INSYN2B: variants seen among roughly 807,000 people sequenced by gnomAD.
INSYN2B encodes the protein inhibitory synaptic factor family member 2B, also known as protein INSYN2B.
A neutral mutation model predicts 41.2 loss-of-function variants in INSYN2B; 16 were observed. The ratio of observed to expected loss-of-function variants is 0.39; its 90% CI spans 0.26 to 0.59. The LOEUF is 0.59. Ranked by LOEUF, INSYN2B falls within the 20% of genes least tolerant of loss-of-function variation. The pLI, the probability that INSYN2B is intolerant of heterozygous loss-of-function variation, is 0.57. For synonymous variants in INSYN2B, 245 were observed against 244.4 expected (o/e 1.00, Z -0.02); for missense variants, 608 against 646.4 (o/e 0.94, Z 0.64).
rs1440305174 is a variant in INSYN2B, at chr5:169,883,274, A to T, written c.625T>A (p.Tyr209Asn). The change falls in exon 2 of 4, where the codon TAT becomes AAT. Residue 209 changes from tyrosine to asparagine, a missense_variant. By Grantham distance (143) the Tyr-to-Asn change is moderately radical. Transcript: ENST00000377365. ...CTAGCTTCCCAGGAAGGACTGTGAT[A>T]AATATCATCTGGAACCTGAATGGCA... ...TAAIQVPDDI[Y>N]HSPSWEARES... The T allele has an allele frequency of 1.3e-6, 2 of 1,551,624 alleles. No homozygotes were observed. The highest frequency in any genetic ancestry group is 1.7e-6 in the Non-Finnish European group (2 of 1,146,960).
At chr5:169,890,425 A>C (rs1318410843) in intron 1 of INSYN2B, among the ~76,000 whole-genome samples, 1 of 152,212 alleles carries the variant, frequency 6.6e-6, no homozygotes, top group East Asian at 1.9e-4. Context: ...GGTAAGGGTT[A>C]TTCCATACTC....
In INSYN2B at chr5:169,883,493, C is replaced by T. The variant is rs183865899; in HGVS notation, c.406G>A (p.Gly136Ser). ...TASQSAIQVN[G>S]NLSEQDIVSS... ...ACAATGTCCTGTTCAGAGAGGTTAC[C>T]GTTGACCTGGATGGCACTTTGGGAG... Residue 136 changes from glycine (G) to serine (S), a missense_variant, in exon 2 of 4, where the codon GGT becomes AGT. Physicochemically the swap from Gly to Ser is moderately conservative, Grantham distance 56 (BLOSUM62 0). Transcript: ENST00000377365. 52 of 1,551,590 alleles carry T rather than the reference C, an allele frequency of 3.4e-5. No homozygotes were observed. Among genetic ancestry groups the T allele is most frequent in the Non-Finnish European group, 4.0e-5 (46 of 1,146,934 alleles).
chr5:169,969,374 G>A (rs1777417854), intron 1 of INSYN2B, among the ~76,000 whole-genome samples: 1 of 151,806 alleles, frequency 6.6e-6, no homozygotes, highest in Non-Finnish European at 1.5e-5. Flanking sequence ...GAACTTGGGA[G>A]GTGGAAGTTG....
At chr5:169,901,189 T>A (rs1773902091) in intron 1 of INSYN2B, among the ~76,000 whole-genome samples, 1 of 152,042 alleles carries the variant, frequency 6.6e-6, no homozygotes, top group Non-Finnish European at 1.5e-5. Flanking sequence ...GGGATGGGCA[T>A]GAAAAGAGGG....
intron 1 of INSYN2B, among the ~76,000 whole-genome samples, chr5:169,911,198 A>G (rs1278763657): frequency 6.6e-6 from 1 of 152,208 alleles, no homozygotes; most frequent in Non-Finnish European, 1.5e-5. Context: ...TTAACAGGTC[A>G]GGTATGTGCT....
In INSYN2B at chr5:169,879,655, A is replaced by G. The variant is rs114784552; in HGVS notation, c.1421+1713T>C. ...TTGAATTAAGTGCTAGAAAAATGCA[A>G]ACATTCTCAGACATGTTGGAAGGTC... On this transcript the variant is annotated intron_variant, in intron 3 of 3. Coordinates refer to ENST00000377365, the MANE Select transcript of INSYN2B (RefSeq NM_001129891.3). Among the ~76,000 whole-genome samples the G allele has an allele frequency of 3.5e-3, 537 of 152,310 alleles. 2 individuals are homozygous for G. The highest frequency in any genetic ancestry group is 0.012 in the African/African-American group (517 of 41,574).
intron 1 of INSYN2B, among the ~76,000 whole-genome samples, chr5:169,977,163 T>C (rs1777745456): frequency 6.6e-6 from 1 of 152,232 alleles, no homozygotes; most frequent in African/African-American, 2.4e-5. Context: ...CAACTGTTCC[T>C]GAATAAAAGA....
intron 1 of INSYN2B, among the ~76,000 whole-genome samples, chr5:169,954,314 T>G (rs1776780333): frequency 6.6e-6 from 1 of 152,222 alleles, no homozygotes; most frequent in Non-Finnish European, 1.5e-5. Context: ...GTAATAAAAT[T>G]TTTATGAACA....
At chr5:169,927,761 C>T (rs777980733) in intron 1 of INSYN2B, among the ~76,000 whole-genome samples, 28 of 152,276 alleles carry the variant, frequency 1.8e-4, no homozygotes, top group Non-Finnish European at 2.6e-4. Context: ...GGACTACAGG[C>T]GCCCGCCACC....
chr5:169,952,211 C>T (rs1776690354), intron 1 of INSYN2B, among the ~76,000 whole-genome samples: 1 of 152,164 alleles, frequency 6.6e-6, no homozygotes, highest in Non-Finnish European at 1.5e-5. Flanking sequence ...TCACTCTAAC[C>T]GAGCTTTTTT....
chr5:169,976,026 A>G (rs1777706329), intron 1 of INSYN2B, among the ~76,000 whole-genome samples: 1 of 152,236 alleles, frequency 6.6e-6, no homozygotes, highest in African/African-American at 2.4e-5. Context: ...CCTAAGGCAA[A>G]GGTAGTCAAC....
At chr5:169,884,985 G>A (rs1040470149) in intron 1 of INSYN2B, among the ~76,000 whole-genome samples, 169 bp from the exon 2 acceptor site, 1 of 152,122 alleles carries the variant, frequency 6.6e-6, no homozygotes, top group East Asian at 1.9e-4. Flanking sequence ...CTTTGTGGGT[G>A]CAAGGCCTTG....
intron 1 of INSYN2B, among the ~76,000 whole-genome samples, chr5:169,898,350 G>T (rs1773729354): frequency 6.6e-6 from 1 of 152,192 alleles, no homozygotes; most frequent in African/African-American, 2.4e-5. Context: ...CAGCAGCCAG[G>T]TGTACTGTAT....
chr5:169,920,302 T>A (rs1217345213), intron 1 of INSYN2B, among the ~76,000 whole-genome samples: 1 of 152,206 alleles, frequency 6.6e-6, no homozygotes, highest in Non-Finnish European at 1.5e-5. Context: ...TATAATATTA[T>A]GTAAGATGTA....
intron 1 of INSYN2B, among the ~76,000 whole-genome samples, chr5:169,902,960 TG>T (rs1419787257): frequency 6.6e-6 from 1 of 151,934 alleles, no homozygotes; most frequent in Non-Finnish European, 1.5e-5. Context: ...TAGCTGGGTG[TG>T]GTGGCACATG....
rs145246764 is a variant in INSYN2B, at chr5:169,896,924, A to G, written c.-918-12108T>C. Among the ~76,000 whole-genome samples the G allele has an allele frequency of 2.8e-4, 43 of 152,344 alleles. No individual in the cohort carries two copies. In the East Asian group the frequency reaches 8.3e-3, roughly 29 times the overall value. ...TTAATAAAGAGGAGAAAAACTGAGC[A>G]TCAACTTTGACGTGAGCTTCCTAGT... On this transcript the variant is annotated intron_variant, in intron 1 of 3. Transcript: ENST00000377365.
chr5:169,916,689 C>CTA (rs5873197), intron 1 of INSYN2B, among the ~76,000 whole-genome samples: 1 of 151,990 alleles, frequency 6.6e-6, no homozygotes, highest in Non-Finnish European at 1.5e-5. Flanking sequence ...ATATGAGAGA[C>CTA]TTTTTAATAA....
At chr5:169,892,757 A>G (rs1051305184) in intron 1 of INSYN2B, among the ~76,000 whole-genome samples, 4 of 152,174 alleles carry the variant, frequency 2.6e-5, no homozygotes, top group Non-Finnish European at 5.9e-5. Flanking sequence ...GGTGTGCAAG[A>G]CAGCACAGAG....
chr5:169,951,644 G>C (rs1417760695), intron 1 of INSYN2B, among the ~76,000 whole-genome samples: 1 of 152,204 alleles, frequency 6.6e-6, no homozygotes, highest in Non-Finnish European at 1.5e-5. Flanking sequence ...ATAGCATTAT[G>C]ATGAGGGTCC....
Sources: gnomAD v4.1 joint callset for allele counts (sites outside exome capture counted in the v4.1 genomes callset) on GRCh38, gnomAD v4.1.1 for gene constraint, MANE v1.5 for transcripts, NCBI Gene and HGNC (gene_info 2026-07-23, HGNC 2026-07-21) for gene names.